Variants in ZNF326 observed in about 807,000 individuals in gnomAD.
The protein encoded by ZNF326 is DBIRD complex subunit ZNF326.
A neutral mutation model predicts 63.1 loss-of-function variants in ZNF326; 30 were observed. That is an observed-to-expected ratio of 0.48 (90% confidence interval 0.36 to 0.64). The LOEUF is 0.64. ZNF326 is among the 30% of genes least tolerant of loss of function. The probability of loss-of-function intolerance (pLI) is 0.00; values close to 1 mark genes in which losing one functional copy is unlikely to be tolerated. For missense variants in ZNF326, 609 were observed against 720.3 expected, an observed-to-expected ratio of 0.85 and a Z score of 1.77; for synonymous variants, 194 against 228.2, an observed-to-expected ratio of 0.85 and a Z score of 1.35.
rs964264604 is a variant in ZNF326 at position 90,007,990 on chromosome 1, C to G, written c.615+240C>G. Among the ~76,000 whole-genome samples the G allele has an allele frequency of 5.3e-5, 8 of 152,158 alleles. No homozygotes were observed. The highest frequency in any genetic ancestry group is 1.2e-4 in the Non-Finnish European group (8 of 68,026). ...ATCTCCCTTTATTAAAAAGGTGAGG[C>G]TACTGGTTTGGTCTAAAAGGGGTTA... On this transcript the variant is annotated intron_variant, in intron 5 of 11. Coordinates refer to ENST00000340281, the MANE Select transcript of ZNF326 (RefSeq NM_182976.4). The surrounding 1 kb of genome is among the most constrained non-coding windows in gnomAD (Gnocchi z 4.9).
chr1:90,012,585 T>C (rs1649303289), intron 6 of ZNF326, among the ~76,000 whole-genome samples: 1 of 152,182 alleles, frequency 6.6e-6, no homozygotes, highest in African/African-American at 2.4e-5. Context: ...TAGTAAATCT[T>C]ATGTTTTGTG....
At position 90,025,968 on chromosome 1, in the gene ZNF326, CT is replaced by C. The variant is rs755399695; in HGVS notation, c.1402-1371del. 4.8e-3 allele frequency among the ~76,000 whole-genome samples: 648 copies of C among 136,234 alleles called. 5 individuals carry two copies. Among genetic ancestry groups the C allele is most frequent in the African/African-American group, 0.014 (510 of 37,404 alleles). The allele number at this position is 136,234 out of a possible 152,430, so 89.4% of individuals were successfully genotyped here. ...TCCTCCTGCACCAAGTGTTCCTTCA[CT>C]TTTTTTTTTTTTTTCGAGACAGAGT... On this transcript the variant is annotated intron_variant, in intron 11 of 11. Coordinates refer to ENST00000340281, the MANE Select transcript of ZNF326 (RefSeq NM_182976.4).
At chr1:89,999,654 G>C (rs946257733) in intron 2 of ZNF326, among the ~76,000 whole-genome samples, 2 of 152,172 alleles carry the variant, frequency 1.3e-5, no homozygotes, top group East Asian at 3.8e-4. Flanking sequence ...AGGGCAAGTG[G>C]TCTTTGGCTG....
rs935902074 is a variant in ZNF326, at chr1:90,030,177, A to C, written c.*2476A>C. On this transcript the variant is annotated 3_prime_UTR_variant, in exon 12 of 12. Transcript: ENST00000340281. The stretch of plus-strand genomic sequence containing the variant: ...CAAAAAGTCTGTCTGTTCTACTTCC[A>C]AAATTTATCTGCCGACTCTTCTACC... The C allele has an allele frequency of 1.3e-5, 2 of 152,208 alleles. No individual in the cohort carries two copies. Among genetic ancestry groups the C allele is most frequent in the African/African-American group, 4.8e-5 (2 of 41,444 alleles). The allele number at this position is 152,208 out of a possible 1,614,324, so 9.4% of individuals were successfully genotyped here.
chr1:90,026,094 G>C (rs1333189067), intron 11 of ZNF326, among the ~76,000 whole-genome samples: 1 of 151,950 alleles, frequency 6.6e-6, no homozygotes, highest in Non-Finnish European at 1.5e-5. Flanking sequence ...TTCCTGAGTA[G>C]CTGGGACTAC....
intron 9 of ZNF326, among the ~76,000 whole-genome samples, chr1:90,019,727 A>G (rs1308828116): frequency 1.3e-5 from 2 of 152,100 alleles, no homozygotes; most frequent in African/African-American, 2.4e-5. Flanking sequence ...TCTAGCACAG[A>G]TCTTTCTTCT....
intron 5 of ZNF326, among the ~76,000 whole-genome samples, chr1:90,008,227 G>A (rs74098661): frequency 3.7e-4 from 56 of 152,352 alleles, no homozygotes; most frequent in African/African-American, 1.3e-3. Context: ...ACTAAAAGTT[G>A]ATGATAGATC....
At chr1:89,995,385 G>A (rs1648303341) in intron 1 of ZNF326, 112 bp downstream of exon 1, 1 of 1,356,044 alleles carries the variant, frequency 7.4e-7, no homozygotes, top group African/African-American at 1.5e-5. Context: ...TGCGGGCCCG[G>A]AGGCCGCCCG....
chr1:90,019,843 T>C (rs1347186283), intron 9 of ZNF326, among the ~76,000 whole-genome samples: 1 of 152,068 alleles, frequency 6.6e-6, no homozygotes, highest in African/African-American at 2.4e-5. Flanking sequence ...ATATCCTACC[T>C]TACAAAGAAA....
In ZNF326 at chr1:90,028,543, G is replaced by C. The variant is rs1476127601; in HGVS notation, c.*842G>C. The C allele has an allele frequency of 1.3e-5, 2 of 152,114 alleles. No homozygotes were observed. Among genetic ancestry groups the C allele is most frequent in the African/African-American group, 4.8e-5 (2 of 41,440 alleles). The allele number at this position is 152,114 out of a possible 1,614,324, so 9.4% of individuals were successfully genotyped here. ...TACATTTGATACAAAGTTTTCTGTA[G>C]TTGTGTTAGTTCTTTTGTCATGTCT... On this transcript the variant is annotated 3_prime_UTR_variant, in exon 12 of 12. Coordinates refer to ENST00000340281, the MANE Select transcript of ZNF326 (RefSeq NM_182976.4).
intron 4 of ZNF326, chr1:90,005,525 A>G: frequency 9.7e-7 from 1 of 1,027,050 alleles, no homozygotes; most frequent in Middle Eastern, 4.4e-4. Flanking sequence ...TTTTACTTTT[A>G]ACTTCTTGTC....
Position 90,028,338 on chromosome 1 carries a change from A to AT in ZNF326, c.*639dup, listed in dbSNP as rs1264884724. Reference sequence around the variant, plus strand: ...TTCAGCTCACAAGTATTTTAAGATGATTGAGAAGACTTGAATTAAAGAAAA... The same window carrying AT: ...TTCAGCTCACAAGTATTTTAAGATGATTTGAGAAGACTTGAATTAAAGAAAA... On this transcript the variant is annotated 3_prime_UTR_variant, in exon 12 of 12. Coordinates refer to ENST00000340281, the MANE Select transcript of ZNF326 (RefSeq NM_182976.4). The AT allele has an allele frequency of 1.4e-5, 2 of 146,330 alleles. No homozygotes were observed. The highest frequency in any genetic ancestry group is 5.1e-5 in the African/African-American group (2 of 39,188). 9.1% of individuals were successfully genotyped at this position (146,330 alleles called of 1,614,324 possible). A position where few individuals can be genotyped will look rare whatever the true frequency, so the allele number is the denominator to read the frequency against.
chr1:90,010,301 A>G lies in ZNF326; in HGVS notation c.814+15A>G. ...CAAATCACCCAGTAAGTAAGAAAACATAATTGCTATGATTCAGGATACTTT... is the reference window on the plus strand; with the variant it reads ...CAAATCACCCAGTAAGTAAGAAAACGTAATTGCTATGATTCAGGATACTTT... On this transcript the variant is annotated intron_variant, in intron 6 of 11. Coordinates refer to ENST00000340281, the MANE Select transcript of ZNF326 (RefSeq NM_182976.4). The G allele has an allele frequency of 6.2e-7, 1 of 1,609,124 alleles. No individual in the cohort carries two copies. Among genetic ancestry groups the G allele is most frequent in the Non-Finnish European group, 8.5e-7 (1 of 1,177,884 alleles).
chr1:90,014,248 T>G (rs1156461585), intron 7 of ZNF326, among the ~76,000 whole-genome samples: 13 of 152,046 alleles, frequency 8.6e-5, no homozygotes, highest in Non-Finnish European at 1.0e-4. Context: ...CAAAGGAAAT[T>G]ATGAGCAGAT....
intron 1 of ZNF326, among the ~76,000 whole-genome samples, chr1:89,996,585 A>G (rs1648386502): frequency 6.6e-6 from 1 of 152,082 alleles, no homozygotes; most frequent in Non-Finnish European, 1.5e-5. Context: ...TAAACTATGA[A>G]TATTTGGGCT....
intron 7 of ZNF326, 106 bp from the exon 8 acceptor site, chr1:90,017,211 A>C: frequency 1.2e-6 from 1 of 816,008 alleles, no homozygotes; most frequent in Non-Finnish European, 1.8e-6. Flanking sequence ...AGAGGAAGAA[A>C]GGAAATCATT....
chr1:90,027,345 T>A lies in ZNF326; in HGVS notation c.1402-9T>A, dbSNP rs370459001. The A allele has an allele frequency of 1.2e-6, 2 of 1,610,588 alleles. No homozygotes were observed. The highest frequency in any genetic ancestry group is 1.7e-6 in the Non-Finnish European group (2 of 1,178,824). On this transcript the variant is annotated splice_polypyrimidine_tract_variant and intron_variant, in intron 11 of 11. Transcript: ENST00000340281. ...TGCTGATTTTGAAAGCCATTTCTTA[T>A]GTTTTTAGGGTGAGAATCCTTTTGA...
chr1:90,024,755 A>G (rs772477705), intron 11 of ZNF326, among the ~76,000 whole-genome samples: 2 of 152,136 alleles, frequency 1.3e-5, no homozygotes, highest in Non-Finnish European at 2.9e-5. Flanking sequence ...AGCTGGGATT[A>G]CAGGCACACA....
chr1:90,004,600 C>T (rs920541004), intron 2 of ZNF326, among the ~76,000 whole-genome samples: 1 of 152,108 alleles, frequency 6.6e-6, no homozygotes, highest in Non-Finnish European at 1.5e-5. Context: ...CCTGTAATCC[C>T]AGCACTTTGG....
Sources: gnomAD v4.1 joint callset for allele counts (sites outside exome capture counted in the v4.1 genomes callset) on GRCh38, gnomAD v4.1.1 for gene constraint, Gnocchi (gnomAD v3.1) non-coding constraint, MANE v1.5 for transcripts, NCBI Gene and HGNC (gene_info 2026-07-23, HGNC 2026-07-21) for gene names.